Variants in GTPBP1 observed in about 807,000 individuals in gnomAD.
GTPBP1 encodes GTP-binding protein 1.
GTPBP1 carries 23 observed loss-of-function variants against 62.0 expected under a neutral mutation model. That is an observed-to-expected ratio of 0.37 (90% CI 0.27 to 0.53). The LOEUF is 0.53. GTPBP1 is among the 20% of genes least tolerant of loss of function. The pLI is 0.89. For synonymous variants in GTPBP1, 344 were observed against 364.4 expected, an observed-to-expected ratio of 0.94 and a Z score of 0.64; for missense variants, 640 against 917.3, an observed-to-expected ratio of 0.70 and a Z score of 3.90.
chr22:38,736,487 G>T, downstream of GTPBP1: 1 of 827,672 alleles, frequency 1.2e-6, no homozygotes, highest in Non-Finnish European at 1.8e-6. Context: ...TGGCTCCCCT[G>T]CTCCTTCCCT....
At position 38,729,568 on chromosome 22, in the gene GTPBP1, C is replaced by T. The variant is rs140575657; in HGVS notation, c.1823C>T (p.Ser608Phe). Reference protein sequence around the residue: ...PLTKRDEGGPSGGPAVGAPPP... With the variant: ...PLTKRDEGGPFGGPAVGAPPP... Reference sequence around the variant, plus strand: ...ACGAAACGAGACGAGGGGGGCCCGTCTGGTGGGCCAGCAGTAGGAGCACCC... The same window carrying T: ...ACGAAACGAGACGAGGGGGGCCCGTTTGGTGGGCCAGCAGTAGGAGCACCC... The change falls in exon 11 of 12, where the codon TCT (serine) becomes TTT (phenylalanine). Residue 608 changes from serine to phenylalanine, a missense_variant. Around this residue, in one of 4 missense-constraint regions of GTPBP1, gnomAD observed 117 missense variants for 107.1 expected, o/e 1.09. Coordinates refer to ENST00000216044, the MANE Select transcript of GTPBP1 (RefSeq NM_004286.5). The T allele has an allele frequency of 2.6e-5, 41 of 1,598,578 alleles. No individual in the cohort carries two copies. The East Asian group carries it at 9.1e-4, about 36-fold the overall frequency.
At chr22:38,709,005 G>T in intron 2 of GTPBP1, 49 bp downstream of exon 2, 1 of 1,167,722 alleles carries the variant, frequency 8.6e-7, no homozygotes, top group Non-Finnish European at 1.3e-6. Context: ...ATTGGGCCGG[G>T]TGCGGTGGCC....
At chr22:38,740,071 T>A, downstream of GTPBP1, 1 of 1,261,404 alleles carries the variant, frequency 7.9e-7, no homozygotes. The surrounding 1 kb of genome is among the most constrained non-coding windows in gnomAD (Gnocchi z 4.8). Context: ...GAAAGAGTTA[T>A]GAACACTCCA....
At chr22:38,735,330 GCAGA>G (rs1160989119), downstream of GTPBP1, 4 of 435,870 alleles carry the variant, frequency 9.2e-6, no homozygotes, top group Non-Finnish European at 1.8e-5. Context: ...GGGGGCCGGT[GCAGA>G]CAGACCTCGC....
chr22:38,741,344 C>CG, downstream of GTPBP1: 1 of 814,106 alleles, frequency 1.2e-6, no homozygotes, highest in African/African-American at 1.7e-5. Context: ...ACTAAGGGGT[C>CG]GGGGGTCAAA....
At chr22:38,736,099 AGCCACCTGCTG>A (rs754192471), downstream of GTPBP1, 1 of 709,632 alleles carries the variant, frequency 1.4e-6, no homozygotes, top group Non-Finnish European at 2.6e-6. Flanking sequence ...AACCGCCTCG[AGCCACCTGCTG>A]CTCAGGAGAC....
At chr22:38,736,409 A>G, downstream of GTPBP1, 1 of 1,580,326 alleles carries the variant, frequency 6.3e-7, no homozygotes, top group Non-Finnish European at 8.6e-7. Flanking sequence ...GATTAAGAGC[A>G]TCAGAGACCT....
At chr22:38,738,958 T>G, downstream of GTPBP1, 1 of 1,613,342 alleles carries the variant, frequency 6.2e-7, no homozygotes. This position sits in a 1 kb window ranked among gnomAD's most constrained non-coding sequence, Gnocchi z 6.6. Flanking sequence ...CTCGTAGGTC[T>G]CAGAACATCG....
Position 38,730,929 on chromosome 22 carries a change from C to T in GTPBP1, c.*225C>T, listed in dbSNP as rs1159666605. 1 of 533,862 alleles carries T rather than the reference C, an allele frequency of 1.9e-6. No individual in the cohort carries two copies. Among genetic ancestry groups the T allele is most frequent in the Non-Finnish European group, 3.3e-6 (1 of 303,018 alleles). 33.1% of individuals were successfully genotyped at this position (533,862 alleles called of 1,614,324 possible). On this transcript the variant is annotated 3_prime_UTR_variant, in exon 12 of 12. Coordinates refer to ENST00000216044, the MANE Select transcript of GTPBP1 (RefSeq NM_004286.5). The surrounding 1 kb of genome is among the most constrained non-coding windows in gnomAD (Gnocchi z 5.6). ...GACCATCTCTCACTGTCCTCCCCAC[C>T]TTCTTCCTCACTCACACATTTTTTG...
chr22:38,722,279 T>C (rs1415091133), intron 5 of GTPBP1, among the ~76,000 whole-genome samples: 2 of 152,242 alleles, frequency 1.3e-5, no homozygotes, highest in African/African-American at 4.8e-5. Context: ...ACATAAACAT[T>C]CATTGCAGGA....
chr22:38,734,758 A>G (rs1358664384), downstream of GTPBP1: 1 of 174,486 alleles, frequency 5.7e-6, no homozygotes, highest in Admixed American at 5.6e-5. Context: ...TATTTTTTGC[A>G]TAGGCATAAA....
chr22:38,724,323 C>A lies in GTPBP1; in HGVS notation c.985C>A (p.Leu329Met). ...AACCCTGAAGCTGTTACAGCGCCTG[C>A]TGAAGTCACCAGGCTGCCGGAAGAT... ...QETLKLLQRL[L>M]KSPGCRKIPV... The change falls in exon 6 of 12, where the codon CTG (leucine) becomes ATG (methionine). Residue 329 changes from leucine to methionine, a missense_variant. Around this residue, in one of 4 missense-constraint regions of GTPBP1, gnomAD observed 220 missense variants for 358.1 expected, o/e 0.61. Transcript: ENST00000216044. 1 of 1,611,662 alleles carries A rather than the reference C, an allele frequency of 6.2e-7. No individual in the cohort carries two copies. The highest frequency in any genetic ancestry group is 1.3e-5 in the African/African-American group (1 of 74,982).
chr22:38,737,720 C>T, downstream of GTPBP1: 1 of 362,306 alleles, frequency 2.8e-6, no homozygotes, highest in South Asian at 2.1e-5. The surrounding 1 kb of genome is among the most constrained non-coding windows in gnomAD (Gnocchi z 4.1). Flanking sequence ...CCTAAGGAAC[C>T]AGACTCTCCT....
downstream of GTPBP1, chr22:38,736,213 G>A (rs769852557): frequency 6.6e-6 from 10 of 1,505,464 alleles, no homozygotes; most frequent in East Asian, 2.3e-5. Context: ...GGGAAGCGGC[G>A]GGGTGCTGTT....
At chr22:38,709,027 A>T in intron 2 of GTPBP1, 71 bp downstream of exon 2, 1 of 908,870 alleles carries the variant, frequency 1.1e-6, no homozygotes, top group South Asian at 1.4e-5. Context: ...TGCCGCCTGT[A>T]ATCCCAGCAC....
chr22:38,737,095 CCTTGGCCTT>C (rs2092812395), downstream of GTPBP1, among the ~76,000 whole-genome samples: 11 of 152,236 alleles, frequency 7.2e-5, no homozygotes, highest in African/African-American at 2.4e-4. This position sits in a 1 kb window ranked among gnomAD's most constrained non-coding sequence, Gnocchi z 4.1. Context: ...AATCCCCTCG[CCTTGGCCTT>C]GCAAAGTGCT....
At chr22:38,739,155 A>C, downstream of GTPBP1, 1 of 906,496 alleles carries the variant, frequency 1.1e-6, no homozygotes, top group Non-Finnish European at 1.7e-6. This position sits in a 1 kb window ranked among gnomAD's most constrained non-coding sequence, Gnocchi z 6.7. Context: ...TCCCTGGCCC[A>C]GGATGGTACT....
At chr22:38,723,568 A>T (rs1307858218) in intron 5 of GTPBP1, 2 of 587,698 alleles carry the variant, frequency 3.4e-6, no homozygotes, top group Admixed American at 6.0e-5. Context: ...AATTTCCATC[A>T]GCCCAGAATC....
At chr22:38,711,980 A>C (rs1220816494) in intron 2 of GTPBP1, among the ~76,000 whole-genome samples, 1 of 152,128 alleles carries the variant, frequency 6.6e-6, no homozygotes, top group Admixed American at 6.5e-5. Flanking sequence ...TCCTGGGTTC[A>C]AGCAGTTCTT....
Sources: allele counts gnomAD v4.1 joint callset (sites outside exome capture counted in the v4.1 genomes callset), GRCh38; gene constraint gnomAD v4.1.1; regional missense constraint gnomAD v4.1.1; non-coding constraint Gnocchi (gnomAD v3.1); transcripts MANE v1.5; gene names NCBI Gene and HGNC (gene_info 2026-07-23, HGNC 2026-07-21).